Variants in KDM5A observed in about 807,000 individuals in gnomAD.
KDM5A encodes the protein lysine demethylase 5A.
In KDM5A, 42 loss-of-function variants were observed where a neutral mutation model predicts 193.5. The ratio of observed to expected loss-of-function variants is 0.22; its 90% CI spans 0.17 to 0.28. The LOEUF (loss-of-function observed/expected upper bound fraction) is 0.28, where lower values mean the gene tolerates loss of function less well. Among genes scored for constraint, KDM5A ranks in the 10% least tolerant of loss-of-function variants. The pLI, the probability that KDM5A is intolerant of heterozygous loss-of-function variation, is 1.00. For missense variants in KDM5A, 1,692 were observed against 2,055.1 expected (o/e 0.82, Z 3.42); for synonymous variants, 796 against 718.1 (o/e 1.11, Z -1.73).
At chr12:385,491 T>C (rs1343454335) in intron 2 of KDM5A, among the ~76,000 whole-genome samples, 50 of 151,990 alleles carry the variant, frequency 3.3e-4, no homozygotes. Context: ...CTGGCAAAGT[T>C]CCATTAAAAC....
At chr12:346,318 A>G (rs7963793) in intron 10 of KDM5A, among the ~76,000 whole-genome samples, 57,734 of 151,970 alleles carry the variant, frequency 0.38, 12,124 homozygotes, top group East Asian at 0.58. Context: ...ATTCACAGCC[A>G]AATTCTACCA....
intron 5 of KDM5A, among the ~76,000 whole-genome samples, chr12:360,658 T>C (rs1006395032): frequency 2.0e-5 from 3 of 152,194 alleles, no homozygotes; most frequent in African/African-American, 7.2e-5. Flanking sequence ...CAAAGTTAGA[T>C]TATAGAGTAT....
chr12:338,010 T>C (rs1280905436), intron 10 of KDM5A, among the ~76,000 whole-genome samples: 1 of 152,182 alleles, frequency 6.6e-6, no homozygotes, highest in Non-Finnish European at 1.5e-5. Context: ...GCATAATAAA[T>C]TCCCACTGAC....
At chr12:319,463 G>T (rs1943690009) in intron 18 of KDM5A, among the ~76,000 whole-genome samples, 1 of 152,110 alleles carries the variant, frequency 6.6e-6, no homozygotes, top group Non-Finnish European at 1.5e-5. Flanking sequence ...GATTCACTTG[G>T]TTCATTAAAA....
intron 3 of KDM5A, among the ~76,000 whole-genome samples, chr12:374,150 C>G (rs1401108248): frequency 3.9e-5 from 6 of 152,120 alleles, no homozygotes; most frequent in African/African-American, 1.2e-4. Flanking sequence ...AACTTTCTGT[C>G]TCGTTGATCT....
chr12:363,229 G>A lies in KDM5A; in HGVS notation c.538-132C>T, dbSNP rs539065696. 8.1e-6 allele frequency: 8 copies of A among 992,868 alleles called. No individual in the cohort carries two copies. In the East Asian group the frequency reaches 1.8e-4, roughly 23 times the overall value. 61.5% of individuals were successfully genotyped at this position (992,868 alleles called of 1,614,324 possible). ...CAATTATTTCTCAAACTGACATACA[G>A]CTATCCCTACCAAAATCCTGGCAGG... On this transcript the variant is annotated intron_variant, in intron 4 of 27. Coordinates refer to ENST00000399788, the MANE Select transcript of KDM5A (RefSeq NM_001042603.3).
At chr12:387,324 A>G (rs79262481) in intron 1 of KDM5A, 6,792 of 316,602 alleles carry the variant, frequency 0.021, 386 homozygotes, top group African/African-American at 0.13. Flanking sequence ...ATAATGTGAC[A>G]TAAAGAGAAA....
rs1591898572 is a variant in KDM5A, at chr12:295,470, G to A, written c.4455+103C>T. 6.4e-6 allele frequency: 7 copies of A among 1,096,392 alleles called. No homozygotes were observed. The East Asian group carries it at 1.7e-4, about 26-fold the overall frequency. 67.9% of individuals were successfully genotyped at this position (1,096,392 alleles called of 1,614,324 possible). ...CTGAAGTGGGAAAGTAGACCAGCCA[G>A]ATTACTGCCCTCAGCCACCCCTTTG... On this transcript the variant is annotated intron_variant, in intron 26 of 27. Transcript: ENST00000399788.
intron 10 of KDM5A, 146 bp downstream of exon 10, chr12:350,475 A>G: frequency 1.3e-6 from 1 of 777,072 alleles, no homozygotes; most frequent in Non-Finnish European, 2.1e-6. Context: ...AAGTATTCTG[A>G]ATTCTTCGTT....
intron 14 of KDM5A, among the ~76,000 whole-genome samples, chr12:328,483 T>C (rs1943820614): frequency 6.6e-6 from 1 of 152,020 alleles, no homozygotes; most frequent in African/African-American, 2.4e-5. Context: ...TAATTCAAAC[T>C]GACAGTCTGT....
chr12:295,529 A>G, intron 26 of KDM5A, 44 bp downstream of exon 26: 1 of 1,553,752 alleles, frequency 6.4e-7, no homozygotes, highest in South Asian at 1.1e-5. Context: ...GAACCTAGGC[A>G]TTCTAGTTTT....
chr12:340,357 A>C (rs374166265), intron 10 of KDM5A, among the ~76,000 whole-genome samples: 76 of 152,228 alleles, frequency 5.0e-4, no homozygotes, highest in African/African-American at 1.8e-3. Context: ...ACTGTATCCC[A>C]TGGCAACCTC....
intron 1 of KDM5A, among the ~76,000 whole-genome samples, chr12:387,457 T>A (rs1944651250): frequency 6.6e-6 from 1 of 152,242 alleles, no homozygotes; most frequent in Non-Finnish European, 1.5e-5. Context: ...CTTCAATGCT[T>A]AAGATTTGTT....
Position 362,387 on chromosome 12 carries a change from GC to G in KDM5A, c.672+575del, listed in dbSNP as rs559858951. On this transcript the variant is annotated intron_variant, in intron 5 of 27. Transcript: ENST00000399788. The stretch of plus-strand genomic sequence containing the variant: ...GGGCATTTTTCTTCTGATGTATTAG[GC>G]TTTGAAATTATTTTAGGTTACATGA... 1.0e-2 allele frequency among the ~76,000 whole-genome samples: 1,522 copies of G among 152,218 alleles called. 16 individuals carry two copies. Among genetic ancestry groups the G allele is most frequent in the African/African-American group, 0.033 (1,390 of 41,536 alleles).
At chr12:321,385 A>G (rs765048993) in intron 17 of KDM5A, among the ~76,000 whole-genome samples, 4 of 152,238 alleles carry the variant, frequency 2.6e-5, no homozygotes, top group Non-Finnish European at 4.4e-5. Flanking sequence ...GTTCATTGAT[A>G]AAACTTAATC....
intron 3 of KDM5A, among the ~76,000 whole-genome samples, chr12:373,005 T>C (rs532521694): frequency 1.3e-5 from 2 of 152,372 alleles, no homozygotes; most frequent in Admixed American, 6.5e-5. Context: ...AGTATTTTAT[T>C]GAAGATTTTC....
At chr12:314,279 G>A (rs777326948) in intron 19 of KDM5A, among the ~76,000 whole-genome samples, 1 of 152,062 alleles carries the variant, frequency 6.6e-6, no homozygotes, top group Non-Finnish European at 1.5e-5. Context: ...CACTGCAACC[G>A]CTGCCTCCTA....
intron 3 of KDM5A, among the ~76,000 whole-genome samples, chr12:373,531 C>G (rs954855400): frequency 3.3e-5 from 5 of 152,162 alleles, no homozygotes; most frequent in South Asian, 2.1e-4. Context: ...AAAAAACCAG[C>G]TCCTGGATTC....
intron 19 of KDM5A, among the ~76,000 whole-genome samples, chr12:315,316 G>A (rs1287709302): frequency 6.6e-6 from 1 of 152,230 alleles, no homozygotes; most frequent in African/African-American, 2.4e-5. Context: ...GCTCATGCCT[G>A]TAATCCCAGC....
Sources: allele counts gnomAD v4.1 joint callset (sites outside exome capture counted in the v4.1 genomes callset), GRCh38; gene constraint gnomAD v4.1.1; transcripts MANE v1.5; gene names NCBI Gene and HGNC (gene_info 2026-07-23, HGNC 2026-07-21).